The following PTPRT variants were observed in gnomAD, a reference collection of about 807,000 sequenced individuals.
The protein encoded by PTPRT is protein tyrosine phosphatase receptor type T, also known as receptor-type tyrosine-protein phosphatase T.
A neutral mutation model predicts 176.8 loss-of-function variants in PTPRT; 56 were observed. That is an observed-to-expected ratio of 0.32 (90% CI 0.26 to 0.40). PTPRT has a LOEUF of 0.40. Among genes scored for constraint, PTPRT ranks in the 10% least tolerant of loss-of-function variants. PTPRT has a pLI of 1.00. For missense variants in PTPRT, 1,540 were observed against 1,908.2 expected, an observed-to-expected ratio of 0.81 and a Z score of 3.60; for synonymous variants, 783 against 739.0, an observed-to-expected ratio of 1.06 and a Z score of -0.96.
At chr20:43,186,281 T>C (rs947402030) in intron 1 of PTPRT, among the ~76,000 whole-genome samples, 1 of 152,254 alleles carries the variant, frequency 6.6e-6, no homozygotes, top group Non-Finnish European at 1.5e-5. Flanking sequence ...GGACTTCAGA[T>C]GCCAAAGCTC....
chr20:42,322,537 T>C (rs2057815527), intron 11 of PTPRT, among the ~76,000 whole-genome samples: 1 of 114,014 alleles, frequency 8.8e-6, no homozygotes, highest in South Asian at 2.8e-4. Flanking sequence ...TAAATGGTGC[T>C]GGGTAAACTG....
In PTPRT at chr20:42,504,335, TA is replaced by T. The variant is rs546722259; in HGVS notation, c.1154-31774del. On this transcript the variant is annotated intron_variant, in intron 7 of 30. Coordinates refer to ENST00000373187, the MANE Select transcript of PTPRT (RefSeq NM_007050.6). ...AATGAATGAATGAATAAATGAATGT[TA>T]AAAAAAAACCATCTCACTGACAGAT... Among the ~76,000 whole-genome samples the T allele has an allele frequency of 8.2e-3, 1,238 of 151,200 alleles. 6 individuals are homozygous for T. Among genetic ancestry groups the T allele is most frequent in the Middle Eastern group, 0.024 (7 of 294 alleles).
chr20:42,310,426 G>T (rs1432733148), intron 12 of PTPRT, among the ~76,000 whole-genome samples: 1 of 152,144 alleles, frequency 6.6e-6, no homozygotes, highest in African/African-American at 2.4e-5. Context: ...GCTAACAAAG[G>T]AAAGAACGTT....
At chr20:42,508,674 A>G (rs985344989) in intron 7 of PTPRT, among the ~76,000 whole-genome samples, 1 of 151,930 alleles carries the variant, frequency 6.6e-6, no homozygotes, top group African/African-American at 2.4e-5. Context: ...CCATCGTGCC[A>G]TAGCTAGTAA....
At chr20:42,422,880 T>C (rs1478094413) in intron 9 of PTPRT, among the ~76,000 whole-genome samples, 1 of 152,106 alleles carries the variant, frequency 6.6e-6, no homozygotes, top group Non-Finnish European at 1.5e-5. Context: ...AGGAATGAGA[T>C]CATGTTCTTT....
intron 7 of PTPRT, among the ~76,000 whole-genome samples, chr20:42,524,480 G>C (rs1419552566): frequency 2.0e-5 from 3 of 151,952 alleles, no homozygotes; most frequent in Non-Finnish European, 4.4e-5. Flanking sequence ...GGCTTTCATT[G>C]CTGCTGTTGA....
chr20:42,566,736 A>T (rs1379215691), intron 7 of PTPRT, among the ~76,000 whole-genome samples: 2 of 152,196 alleles, frequency 1.3e-5, no homozygotes, highest in East Asian at 3.9e-4. Flanking sequence ...AACATACCAC[A>T]CTGAATGCAA....
intron 7 of PTPRT, among the ~76,000 whole-genome samples, chr20:42,655,649 G>C (rs1030532530): frequency 6.6e-6 from 1 of 152,176 alleles, no homozygotes; most frequent in East Asian, 1.9e-4. Flanking sequence ...AGATCTAAAG[G>C]ATAAGGAGGG....
chr20:42,116,259 T>C (rs1393647551), intron 21 of PTPRT, among the ~76,000 whole-genome samples: 1 of 152,218 alleles, frequency 6.6e-6, no homozygotes, highest in Non-Finnish European at 1.5e-5. Flanking sequence ...GTTTTGTGTT[T>C]TGCGACTCTC....
At chr20:42,965,384 C>T (rs1464810273) in intron 1 of PTPRT, among the ~76,000 whole-genome samples, 1 of 152,076 alleles carries the variant, frequency 6.6e-6, no homozygotes, top group African/African-American at 2.4e-5. Flanking sequence ...TACAGATATA[C>T]AATAGACATG....
chr20:42,512,648 T>C (rs764360689), intron 7 of PTPRT, among the ~76,000 whole-genome samples: 30 of 152,190 alleles, frequency 2.0e-4, no homozygotes, highest in Non-Finnish European at 3.5e-4. Flanking sequence ...GTATTTGGGT[T>C]GCTGGGTCTA....
chr20:42,611,851 G>A (rs971051195), intron 7 of PTPRT, among the ~76,000 whole-genome samples: 3 of 152,146 alleles, frequency 2.0e-5, no homozygotes, highest in Middle Eastern at 3.4e-3. Flanking sequence ...GGCTCCACCT[G>A]GCTCCATAGC....
chr20:42,622,928 C>A (rs763143678), intron 7 of PTPRT, among the ~76,000 whole-genome samples: 4 of 152,184 alleles, frequency 2.6e-5, no homozygotes, highest in Non-Finnish European at 4.4e-5. Flanking sequence ...AAAAAGTTGC[C>A]TTTTGGCCTG....
chr20:42,217,682 C>A (rs73268847), intron 15 of PTPRT, among the ~76,000 whole-genome samples: 1 of 152,152 alleles, frequency 6.6e-6, no homozygotes, highest in South Asian at 2.1e-4. Flanking sequence ...TAGTGCACTG[C>A]GGGATGCTTA....
chr20:42,292,452 A>G (rs2057331899), intron 12 of PTPRT, among the ~76,000 whole-genome samples: 1 of 151,958 alleles, frequency 6.6e-6, no homozygotes, highest in Non-Finnish European at 1.5e-5. Flanking sequence ...CTTGTCTCAT[A>G]CCTACTTAGC....
intron 1 of PTPRT, among the ~76,000 whole-genome samples, chr20:42,952,529 T>C (rs1255064784): frequency 4.6e-5 from 7 of 152,246 alleles, no homozygotes. Context: ...GCACAACTTC[T>C]GCGTGCCTCA....
chr20:42,075,076 C>G lies in PTPRT; in HGVS notation c.*5803G>C, dbSNP rs144336019. ...AAGGCAGATCCCTGCAAGACAAAGC[C>G]AAGGCCTTGCATTCTATCACTTCTA... On this transcript the variant is annotated 3_prime_UTR_variant, in exon 31 of 31. Transcript: ENST00000373187. 1.0e-5 allele frequency: 4 copies of G among 381,912 alleles called. No homozygotes were observed. Among genetic ancestry groups the G allele is most frequent in the African/African-American group, 4.1e-5 (2 of 48,450 alleles). 23.7% of individuals were successfully genotyped at this position (381,912 alleles called of 1,614,324 possible). A position where few individuals can be genotyped will look rare whatever the true frequency, so the allele number is the denominator to read the frequency against.
intron 1 of PTPRT, among the ~76,000 whole-genome samples, chr20:42,909,560 G>A (rs139508169): frequency 1.8e-4 from 27 of 152,364 alleles, no homozygotes; most frequent in Non-Finnish European, 3.8e-4. Flanking sequence ...CACAGGTACA[G>A]GGCTTTGAAA....
At chr20:43,075,017 G>A (rs1033160502) in intron 1 of PTPRT, among the ~76,000 whole-genome samples, 6 of 152,186 alleles carry the variant, frequency 3.9e-5, no homozygotes, top group Non-Finnish European at 8.8e-5. Context: ...CTCATTCCCC[G>A]GACAGAGCCT....
Sources: gnomAD v4.1 joint callset for allele counts (sites outside exome capture counted in the v4.1 genomes callset) on GRCh38, gnomAD v4.1.1 for gene constraint, MANE v1.5 for transcripts, NCBI Gene and HGNC (gene_info 2026-07-23, HGNC 2026-07-21) for gene names.